SFXN5: variants seen among roughly 807,000 people sequenced by gnomAD.
SFXN5 encodes the protein sideroflexin-5.
SFXN5 carries 43 observed loss-of-function variants against 50.2 expected under a neutral mutation model. That is an observed-to-expected ratio of 0.86 (90% CI 0.67 to 1.11). The LOEUF is 1.11. Ranked by LOEUF, SFXN5 falls within the 50% of genes least tolerant of loss-of-function variation. The pLI, the probability that SFXN5 is intolerant of heterozygous loss-of-function variation, is 0.00. For synonymous variants in SFXN5, 203 were observed against 185.8 expected (o/e 1.09, Z -0.75); for missense variants, 463 against 454.1 (o/e 1.02, Z -0.18).
chr2:73,067,444 A>G (rs1230543560), intron 1 of SFXN5, among the ~76,000 whole-genome samples: 1 of 152,226 alleles, frequency 6.6e-6, no homozygotes, highest in Non-Finnish European at 1.5e-5. Context: ...TAATGTACCA[A>G]TGTTAGTTTC....
intron 6 of SFXN5, chr2:73,020,021 C>A (rs115795875): frequency 1.9e-6 from 1 of 527,900 alleles, no homozygotes; most frequent in Non-Finnish European, 3.3e-6. Context: ...TTCAACTCAA[C>A]GCTGGATTTA....
At chr2:73,022,002 C>T (rs1478618042) in intron 5 of SFXN5, among the ~76,000 whole-genome samples, 3 of 152,214 alleles carry the variant, frequency 2.0e-5, no homozygotes, top group Admixed American at 1.3e-4. Context: ...ACAGGAATCC[C>T]ACCTTCTGTA....
In SFXN5 at chr2:72,960,120, G is replaced by C. The variant is rs748050503; in HGVS notation, c.945+1011C>G. On this transcript the variant is annotated intron_variant, in intron 13 of 13. Transcript: ENST00000272433. The surrounding 1 kb of genome is among the most constrained non-coding windows in gnomAD (Gnocchi z 6.1). ...GGTGGAGGCCTCACCCACCACCCTC[G>C]ATTCCAGCACTGTTGTCATGCTGGT... Among the ~76,000 whole-genome samples, 1 of 151,658 alleles carries C rather than the reference G, an allele frequency of 6.6e-6. No individual in the cohort carries two copies. Among genetic ancestry groups the C allele is most frequent in the East Asian group, 1.9e-4 (1 of 5,154 alleles).
At chr2:72,990,410 C>T (rs1672443744) in intron 9 of SFXN5, among the ~76,000 whole-genome samples, 1 of 152,136 alleles carries the variant, frequency 6.6e-6, no homozygotes, top group Non-Finnish European at 1.5e-5. Flanking sequence ...TCATCAAGTC[C>T]AGGAGCGAGT....
chr2:73,045,304 T>A (rs993441822), intron 2 of SFXN5, among the ~76,000 whole-genome samples: 1 of 151,878 alleles, frequency 6.6e-6, no homozygotes, highest in Non-Finnish European at 1.5e-5. Context: ...CCAGCAACCA[T>A]CTCCCAAAGA....
At chr2:72,971,734 T>A in intron 10 of SFXN5, 49 bp from the exon 11 acceptor site, 1 of 1,456,460 alleles carries the variant, frequency 6.9e-7, no homozygotes, top group South Asian at 1.1e-5. Flanking sequence ...AAGATGGCAT[T>A]CCACCTGGAG....
chr2:72,965,651 G>A (rs1053779499), intron 12 of SFXN5, among the ~76,000 whole-genome samples: 5 of 152,138 alleles, frequency 3.3e-5, no homozygotes, highest in African/African-American at 7.2e-5. Context: ...GGCAGAGCCC[G>A]GAAGAAGCAA....
At chr2:73,032,139 T>G (rs1016423317) in intron 3 of SFXN5, among the ~76,000 whole-genome samples, 5 of 152,192 alleles carry the variant, frequency 3.3e-5, no homozygotes, top group East Asian at 3.8e-4. Context: ...AAGCCAGTCC[T>G]GCAAACAGGT....
chr2:73,009,992 A>G (rs1182134926), intron 6 of SFXN5, among the ~76,000 whole-genome samples: 1 of 152,206 alleles, frequency 6.6e-6, no homozygotes, highest in African/African-American at 2.4e-5. Flanking sequence ...CTTCTCAGGG[A>G]AAAATGAGCC....
At chr2:72,951,876 A>G (rs529171557) in intron 13 of SFXN5, among the ~76,000 whole-genome samples, 3 of 152,326 alleles carry the variant, frequency 2.0e-5, no homozygotes. Context: ...TGTGTGCCTG[A>G]GGCCTCTGCC....
intron 2 of SFXN5, among the ~76,000 whole-genome samples, chr2:73,047,236 AAAAAAAAAAATATAT>A (rs1383114463): frequency 5.7e-4 from 37 of 64,542 alleles, no homozygotes; most frequent in African/African-American, 2.5e-3. Flanking sequence ...AAAAAAAAAA[AAAAAAAAAAATATAT>A]ATATATATAT....
chr2:72,945,933 C>G lies in SFXN5; in HGVS notation c.946-834G>C, dbSNP rs1209461097. On this transcript the variant is annotated intron_variant, in intron 13 of 13. Transcript: ENST00000272433. This position sits in a 1 kb window ranked among gnomAD's most constrained non-coding sequence, Gnocchi z 5.8. ...TCTCCTTGGCCACCCACCCCCTGCTCCCACGCATCCTGGGCAGGTGACACT... is the reference window on the plus strand; with the variant it reads ...TCTCCTTGGCCACCCACCCCCTGCTGCCACGCATCCTGGGCAGGTGACACT... Among the ~76,000 whole-genome samples the G allele has an allele frequency of 6.6e-6, 1 of 152,014 alleles. No homozygotes were observed. The highest frequency in any genetic ancestry group is 1.9e-4 in the East Asian group (1 of 5,174).
intron 10 of SFXN5, among the ~76,000 whole-genome samples, chr2:72,976,361 C>T (rs1457807600): frequency 6.6e-6 from 1 of 151,822 alleles, no homozygotes; most frequent in African/African-American, 2.4e-5. Context: ...CAGGGATTGA[C>T]GTAACCTAGT....
intron 1 of SFXN5, chr2:73,059,046 CA>C: frequency 5.0e-6 from 5 of 997,840 alleles, no homozygotes; most frequent in Non-Finnish European, 6.0e-6. Flanking sequence ...GCTCTGCCTC[CA>C]GGGGGGATCC....
chr2:73,057,249 C>T (rs538536448), intron 2 of SFXN5, among the ~76,000 whole-genome samples: 2 of 152,238 alleles, frequency 1.3e-5, no homozygotes, highest in East Asian at 3.9e-4. Context: ...AGCAATCCTC[C>T]CACCTGAGCC....
chr2:73,070,631 C>A (rs1022439348), intron 1 of SFXN5: 1 of 152,004 alleles, frequency 6.6e-6, no homozygotes, highest in Non-Finnish European at 1.5e-5. Flanking sequence ...GCGGGAGCGG[C>A]CCCTCCCCGG....
intron 1 of SFXN5, among the ~76,000 whole-genome samples, chr2:73,066,696 TTGA>T (rs771297919): frequency 1.3e-5 from 2 of 151,514 alleles, no homozygotes; most frequent in African/African-American, 2.4e-5. Flanking sequence ...GACTGGTTAC[TTGA>T]TGATATTAAG....
chr2:73,032,806 T>C (rs2105890479), intron 3 of SFXN5, among the ~76,000 whole-genome samples: 1 of 152,352 alleles, frequency 6.6e-6, no homozygotes, highest in Middle Eastern at 3.4e-3. Context: ...AGGCAAAGAA[T>C]GCCTCCATAA....
At chr2:72,977,423 A>G (rs964714637) in intron 10 of SFXN5, among the ~76,000 whole-genome samples, 1 of 152,198 alleles carries the variant, frequency 6.6e-6, no homozygotes, top group African/African-American at 2.4e-5. Flanking sequence ...ATGAGTAGGC[A>G]ATTCATAAAA....
Sources: allele counts gnomAD v4.1 joint callset (sites outside exome capture counted in the v4.1 genomes callset), GRCh38; gene constraint gnomAD v4.1.1; non-coding constraint Gnocchi (gnomAD v3.1); transcripts MANE v1.5; gene names NCBI Gene and HGNC (gene_info 2026-07-23, HGNC 2026-07-21).